USP19: variants seen among roughly 807,000 people sequenced by gnomAD.
USP19 encodes the protein ubiquitin specific peptidase 19, also known as ubiquitin carboxyl-terminal hydrolase 19.
USP19 carries 40 observed loss-of-function variants against 144.8 expected under a neutral mutation model. The ratio of observed to expected loss-of-function variants is 0.28; its 90% CI spans 0.21 to 0.36. The LOEUF (loss-of-function observed/expected upper bound fraction) is 0.36. USP19 is among the 10% of genes least tolerant of loss of function. The probability of loss-of-function intolerance (pLI) is 1.00; values close to 1 mark genes in which losing one functional copy is unlikely to be tolerated. For missense variants in USP19, 1,518 were observed against 1,822.5 expected, an observed-to-expected ratio of 0.83 and a Z score of 3.04; for synonymous variants, 701 against 709.3, an observed-to-expected ratio of 0.99 and a Z score of 0.19.
In USP19 at chr3:49,108,202, C is replaced by T. The variant is rs1440625722; in HGVS notation, c.*210G>A. ...TACAACAGAATCAAATCACGCAGCA[C>T]TGGAGGCGGCTGGAGAAGCCAAAGC... On this transcript the variant is annotated 3_prime_UTR_variant, in exon 27 of 27. Transcript: ENST00000417901. The surrounding 1 kb of genome is among the most constrained non-coding windows in gnomAD (Gnocchi z 4.8). The T allele has an allele frequency of 8.6e-6, 2 of 232,792 alleles. No homozygotes were observed. The highest frequency in any genetic ancestry group is 5.8e-5 in the Admixed American group (1 of 17,312). 14.4% of individuals were successfully genotyped at this position (232,792 alleles called of 1,614,324 possible).
rs2043145785 is a variant in USP19, at chr3:49,111,509, G to A, written c.3208C>T (p.Arg1070Ter). The change falls in exon 21 of 27, where the codon CGA (arginine) becomes TGA (stop). Residue 1070 changes from arginine to a stop codon, truncating the protein, a stop_gained. Coordinates refer to ENST00000417901, the MANE Select transcript of USP19 (RefSeq NM_001199161.2). LOFTEE classifies it high-confidence loss of function. The surrounding 1 kb of genome is among the most constrained non-coding windows in gnomAD (Gnocchi z 5.9). ...GSLPAGERVS[R>*]PEAAVPGYQH... ...TTTCACTGGATCTTACCTTCGGGTC[G>A]GGACACCCTCTCGCCAGCTGGCAAG... 1.9e-6 allele frequency: 3 copies of A among 1,611,232 alleles called. No individual in the cohort carries two copies. Among genetic ancestry groups the A allele is most frequent in the Admixed American group, 1.7e-5 (1 of 59,964 alleles).
At position 49,111,311 on chromosome 3, in the gene USP19, T is replaced by G; in HGVS notation, c.3272A>C (p.Gln1091Pro). 1 of 1,614,120 alleles carries G rather than the reference T, an allele frequency of 6.2e-7. No individual in the cohort carries two copies. The highest frequency in any genetic ancestry group is 1.1e-5 in the South Asian group (1 of 91,078). The change falls in exon 22 of 27, where the codon CAG (glutamine) becomes CCG (proline). Residue 1091 changes from glutamine to proline, a missense_variant. Physicochemically the swap from Gln to Pro is moderately conservative, Grantham distance 76. Around this residue, in one of 5 missense-constraint regions of USP19, gnomAD observed 413 missense variants for 515.8 expected, o/e 0.80. Transcript: ENST00000417901. The surrounding 1 kb of genome is among the most constrained non-coding windows in gnomAD (Gnocchi z 5.9). ...PSEAMNAHTPQFFIYKIDSSN... is the reference protein window; with the variant it reads ...PSEAMNAHTPPFFIYKIDSSN... Reference sequence around the variant, plus strand: ...TGAATCAATTTTATAGATGAAGAACTGGGGTGTGTGGGCATTCATAGCTTC... The same window carrying G: ...TGAATCAATTTTATAGATGAAGAACGGGGGTGTGTGGGCATTCATAGCTTC...
rs374519963 is a variant in USP19 at position 49,114,260 on chromosome 3, G to A, written c.2317C>T (p.Leu773Phe). ...TGTGGCAAGGGCACCGGCAGATAAA[G>A]AAACGGGTCAAAAGTGATGGAGACC... ...AKVSITFDPF[L>F]YLPVPLPQKQ... Residue 773 changes from leucine to phenylalanine, a missense_variant, in exon 16 of 27, where the codon CTT becomes TTT. This residue lies in a region of USP19 where 413 missense variants were observed against 515.8 expected (regional missense o/e 0.80). Transcript: ENST00000417901. This position sits in a 1 kb window ranked among gnomAD's most constrained non-coding sequence, Gnocchi z 4.5. 6.2e-7 allele frequency: 1 copy of A among 1,614,246 alleles called. No individual in the cohort carries two copies. The highest frequency in any genetic ancestry group is 8.5e-7 in the Non-Finnish European group (1 of 1,180,040).
intron 1 of USP19, 134 bp downstream of exon 1, chr3:49,120,622 C>G (rs1003011704): frequency 5.8e-5 from 9 of 155,602 alleles, no homozygotes; most frequent in Non-Finnish European, 1.3e-4. Flanking sequence ...CTGCCGGCAT[C>G]AGTGGGCTGG....
rs752197230 is a variant in USP19, at chr3:49,110,338, G to A, written c.3884C>T (p.Thr1295Ile). 4.4e-6 allele frequency: 7 copies of A among 1,599,188 alleles called. No individual in the cohort carries two copies. The highest frequency in any genetic ancestry group is 3.4e-5 in the South Asian group (3 of 89,246). Residue 1295 changes from threonine (T) to isoleucine (I), a missense_variant, in exon 26 of 27, where the codon ACA (threonine) becomes ATA (isoleucine). Around this residue, in one of 5 missense-constraint regions of USP19, gnomAD observed 122 missense variants for 200.4 expected, o/e 0.61. Transcript: ENST00000417901. The surrounding 1 kb of genome is among the most constrained non-coding windows in gnomAD (Gnocchi z 6.1). ...CTGGCTCTCGTCTACCGTTGTCACT[G>A]TGCTGTCATCAAACAAGCGCCAGCC... ...DVGWRLFDDS[T>I]VTTVDESQVV...
chr3:49,118,895 C>G, intron 2 of USP19, 127 bp downstream of exon 2: 1 of 1,435,824 alleles, frequency 7.0e-7, no homozygotes, highest in Middle Eastern at 1.8e-4. Flanking sequence ...ATCATGGGTC[C>G]TTCTTCTCTC....
rs759383424 is a variant in USP19, at chr3:49,115,225, C to T, written c.2022+3G>A. On this transcript the variant is annotated splice_donor_region_variant and intron_variant, in intron 13 of 26. Coordinates refer to ENST00000417901, the MANE Select transcript of USP19 (RefSeq NM_001199161.2). The surrounding 1 kb of genome is among the most constrained non-coding windows in gnomAD (Gnocchi z 6.6). Reference sequence around the variant, plus strand: ...GCCAAGGGTGACAGTGGTCACAGATCACCTTCAACTTGGAAGGCTGGAAGG... The same window carrying T: ...GCCAAGGGTGACAGTGGTCACAGATTACCTTCAACTTGGAAGGCTGGAAGG... 1 of 1,613,684 alleles carries T rather than the reference C, an allele frequency of 6.2e-7. No homozygotes were observed. Among genetic ancestry groups the T allele is most frequent in the African/African-American group, 1.3e-5 (1 of 74,940 alleles).
chr3:49,108,500 A>T lies in USP19; in HGVS notation c.4067T>A (p.Val1356Glu). 1 of 1,246,106 alleles carries T rather than the reference A, an allele frequency of 8.0e-7. No homozygotes were observed. Among genetic ancestry groups the T allele is most frequent in the Non-Finnish European group, 1.0e-6 (1 of 966,876 alleles). 77.2% of individuals were successfully genotyped at this position (1,246,106 alleles called of 1,614,324 possible). A position where few individuals can be genotyped will look rare whatever the true frequency, so the allele number is the denominator to read the frequency against. The change falls in exon 27 of 27, where the codon GTG becomes GAG. Residue 1356 changes from valine to glutamate, a missense_variant. By Grantham distance (121) the Val-to-Glu change is moderately radical (BLOSUM62 -2). This residue lies in a region of USP19 where 118 missense variants were observed against 100.2 expected (regional missense o/e 1.18). Coordinates refer to ENST00000417901, the MANE Select transcript of USP19 (RefSeq NM_001199161.2). This position sits in a 1 kb window ranked among gnomAD's most constrained non-coding sequence, Gnocchi z 4.8. ...QGLGPGQAPE[V>E]APTRTAPERF... ...TTCAGGGGCTGTCCGCGTGGGGGCCACCTCGGGGGCCTGGCCAGGGCCTAG... is the reference window on the plus strand; with the variant it reads ...TTCAGGGGCTGTCCGCGTGGGGGCCTCCTCGGGGGCCTGGCCAGGGCCTAG...
At chr3:49,113,902 T>C (rs2043622680) in intron 17 of USP19, 90 bp downstream of exon 17, 17 of 1,386,308 alleles carry the variant, frequency 1.2e-5, no homozygotes, top group Non-Finnish European at 1.4e-5. Flanking sequence ...CCCATGTGTA[T>C]GTCTGTAGAT....
chr3:49,115,877 T>G lies in USP19; in HGVS notation c.1539A>C (p.Gly513=). The change falls in exon 11 of 27, where the codon GGA becomes GGC. Residue 513 remains glycine, a synonymous_variant. Coordinates refer to ENST00000417901, the MANE Select transcript of USP19 (RefSeq NM_001199161.2). This position sits in a 1 kb window ranked among gnomAD's most constrained non-coding sequence, Gnocchi z 6.6. The part of the protein sequence containing the change: ...GPTPLDSTPP[G]GAPHPLTGQE... The stretch of plus-strand genomic sequence containing the variant: ...GGCCTGTCAGGGGGTGGGGAGCACC[T>G]CCTGGTGGGGTTGAATCCAGAGGGG... 6.3e-7 allele frequency: 1 copy of G among 1,597,690 alleles called. No homozygotes were observed. Among genetic ancestry groups the G allele is most frequent in the South Asian group, 1.1e-5 (1 of 88,730 alleles).
rs369169271 is a variant in USP19, at chr3:49,112,559, G to A, written c.2576C>T (p.Thr859Met). ...HSLDTVSPSDTLLCFELLSSE... is the reference protein window; with the variant it reads ...HSLDTVSPSDMLLCFELLSSE... ...GGATAGCAGCTCAAAGCAGAGGAGC[G>A]TATCAGATGGGGACACAGTGTCCAG... The change falls in exon 18 of 27, where the codon ACG becomes ATG. Residue 859 changes from threonine (T) to methionine (M), a missense_variant. Physicochemically the swap from Thr to Met is moderately conservative, Grantham distance 81. Around this residue, in one of 5 missense-constraint regions of USP19, gnomAD observed 413 missense variants for 515.8 expected, o/e 0.80. Transcript: ENST00000417901. This position sits in a 1 kb window ranked among gnomAD's most constrained non-coding sequence, Gnocchi z 4.9. 1.5e-5 allele frequency: 24 copies of A among 1,613,986 alleles called. No individual in the cohort carries two copies. Among genetic ancestry groups the A allele is most frequent in the Admixed American group, 6.7e-5 (4 of 59,998 alleles).
In USP19 at chr3:49,117,416, C is replaced by A. The variant is rs572356202; in HGVS notation, c.606+21G>T. The A allele has an allele frequency of 1.9e-6, 3 of 1,613,860 alleles. No individual in the cohort carries two copies. In the African/African-American group the frequency reaches 4.0e-5, roughly 22 times the overall value. On this transcript the variant is annotated intron_variant, in intron 5 of 26. Coordinates refer to ENST00000417901, the MANE Select transcript of USP19 (RefSeq NM_001199161.2). The surrounding 1 kb of genome is among the most constrained non-coding windows in gnomAD (Gnocchi z 4.4). ...CGACTACACTGGTATCCCTACCCAACCCTGTACTACTAGAACTCACCAGGA... is the reference window on the plus strand; with the variant it reads ...CGACTACACTGGTATCCCTACCCAAACCTGTACTACTAGAACTCACCAGGA...
At position 49,111,852 on chromosome 3, in the gene USP19, G is replaced by C. The variant is rs937933549; in HGVS notation, c.2904-39C>G. ...ACAACGCAAGTAAGACTCCTGACCA[G>C]CCCATCTAGCACCTCTGCCCCCACC... On this transcript the variant is annotated intron_variant, in intron 20 of 26. Coordinates refer to ENST00000417901, the MANE Select transcript of USP19 (RefSeq NM_001199161.2). The surrounding 1 kb of genome is among the most constrained non-coding windows in gnomAD (Gnocchi z 5.9). The C allele has an allele frequency of 1.3e-6, 2 of 1,598,268 alleles. No homozygotes were observed. Among genetic ancestry groups the C allele is most frequent in the Non-Finnish European group, 8.5e-7 (1 of 1,170,726 alleles).
At position 49,110,277 on chromosome 3, in the gene USP19, G is replaced by A. The variant is rs2042946880; in HGVS notation, c.3945C>T (p.Arg1315=). The A allele has an allele frequency of 1.9e-6, 3 of 1,606,962 alleles. No homozygotes were observed. Among genetic ancestry groups the A allele is most frequent in the African/African-American group, 2.7e-5 (2 of 74,964 alleles). Residue 1315 remains arginine, a synonymous_variant, in exon 26 of 27, where the codon CGC becomes CGT. Coordinates refer to ENST00000417901, the MANE Select transcript of USP19 (RefSeq NM_001199161.2). This position sits in a 1 kb window ranked among gnomAD's most constrained non-coding sequence, Gnocchi z 6.1. ...GCCTCTCCACAGGAGAGTTCCGCCG[G>A]CGGTAGAAGAGTACATAGGCATAAC... ...VTRYAYVLFY[R]RRNSPVERPP...
At position 49,114,923 on chromosome 3, in the gene USP19, C is replaced by G. The variant is rs1310365245; in HGVS notation, c.2181+36G>C. On this transcript the variant is annotated intron_variant, in intron 14 of 26. Coordinates refer to ENST00000417901, the MANE Select transcript of USP19 (RefSeq NM_001199161.2). This position sits in a 1 kb window ranked among gnomAD's most constrained non-coding sequence, Gnocchi z 4.5. ...AAAGAGTACCAGGGGCTGGGATGCT[C>G]ATGAGACATGCCCACCCTCTGTCCC... 1 of 1,614,178 alleles carries G rather than the reference C, an allele frequency of 6.2e-7. No individual in the cohort carries two copies. The highest frequency in any genetic ancestry group is 1.7e-5 in the Admixed American group (1 of 60,018).
chr3:49,115,618 G>A lies in USP19; in HGVS notation c.1714C>T (p.Pro572Ser), dbSNP rs1431564226. 6.2e-7 allele frequency: 1 copy of A among 1,609,192 alleles called. No individual in the cohort carries two copies. Among genetic ancestry groups the A allele is most frequent in the Non-Finnish European group, 8.5e-7 (1 of 1,177,578 alleles). ...CTAACTGGGCTGTGGGGCATGGGAG[G>A]CACCATGCATGTAGGCTTGGGCTGC... ...LASPKPTCMV[P>S]PMPHSPVSGD... Residue 572 changes from proline (P) to serine (S), a missense_variant, in exon 12 of 27, where the codon CCT becomes TCT. Pro to Ser is a moderately conservative substitution (Grantham distance 74). This residue lies in a region of USP19 where 158 missense variants were observed against 277.3 expected (regional missense o/e 0.57). Transcript: ENST00000417901. This position sits in a 1 kb window ranked among gnomAD's most constrained non-coding sequence, Gnocchi z 6.6.
Position 49,116,362 on chromosome 3 carries a change from ACAG to A in USP19, c.1284-14_1284-12del. 6.2e-7 allele frequency: 1 copy of A among 1,614,126 alleles called. No homozygotes were observed. Among genetic ancestry groups the A allele is most frequent in the East Asian group, 2.2e-5 (1 of 44,878 alleles). On this transcript the variant is annotated splice_polypyrimidine_tract_variant and intron_variant, in intron 8 of 26. Transcript: ENST00000417901. This position sits in a 1 kb window ranked among gnomAD's most constrained non-coding sequence, Gnocchi z 5.0. ...AGGAAGTTTCCATCCCTGCAGAGGC[ACAG>A]CAGGATAGGAGGAAGGACAAGAGGA...
Position 49,111,382 on chromosome 3 carries a change from TAATC to T in USP19, c.3218-21_3218-18del, listed in dbSNP as rs755209303. On this transcript the variant is annotated intron_variant, in intron 21 of 26. Transcript: ENST00000417901. The surrounding 1 kb of genome is among the most constrained non-coding windows in gnomAD (Gnocchi z 5.9). ...GCACAGCAGCTGTGTGAGAACATGA[TAATC>T]AAAGCTTCCCTGCCCATCAGGGCCT... 1 of 1,614,068 alleles carries T rather than the reference TAATC, an allele frequency of 6.2e-7. No homozygotes were observed. The highest frequency in any genetic ancestry group is 1.1e-5 in the South Asian group (1 of 91,070).
chr3:49,109,780 A>G (rs777952788), intron 26 of USP19, among the ~76,000 whole-genome samples: 6 of 152,226 alleles, frequency 3.9e-5, no homozygotes, highest in Non-Finnish European at 5.9e-5. Context: ...GGCCAGCCCA[A>G]ATAGGCCTTG....
Sources: allele counts gnomAD v4.1 joint callset (sites outside exome capture counted in the v4.1 genomes callset), GRCh38; gene constraint gnomAD v4.1.1; regional missense constraint gnomAD v4.1.1; non-coding constraint Gnocchi (gnomAD v3.1); transcripts MANE v1.5; gene names NCBI Gene and HGNC (gene_info 2026-07-23, HGNC 2026-07-21).